MARCHF1: variants seen among roughly 807,000 people sequenced by gnomAD.
The protein encoded by MARCHF1 is membrane associated ring-CH-type finger 1, also known as E3 ubiquitin-protein ligase MARCHF1.
In MARCHF1, 40 loss-of-function variants were observed where a neutral mutation model predicts 54.2. The observed-to-expected ratio is 0.74, with a 90% CI of 0.57 to 0.96. The LOEUF (loss-of-function observed/expected upper bound fraction) is 0.96. MARCHF1 is among the 40% of genes least tolerant of loss of function. MARCHF1 has a pLI of 0.00. For missense variants in MARCHF1, 586 were observed against 656.5 expected (o/e 0.89, Z 1.17); for synonymous variants, 236 against 236.3 (o/e 1.00, Z 0.01).
intron 2 of MARCHF1, among the ~76,000 whole-genome samples, chr4:163,990,761 C>G (rs1235507027): frequency 2.6e-5 from 4 of 152,112 alleles, no homozygotes; most frequent in African/African-American, 9.7e-5. Context: ...AAATAGAAGT[C>G]TGTAAATCTA....
At chr4:163,687,290 C>A (rs1003445894) in intron 5 of MARCHF1, among the ~76,000 whole-genome samples, 1 of 151,100 alleles carries the variant, frequency 6.6e-6, no homozygotes, top group Non-Finnish European at 1.5e-5. Flanking sequence ...TGCAGTGGCG[C>A]TATCTCGGCT....
chr4:163,574,489 G>A (rs546500050), intron 8 of MARCHF1, among the ~76,000 whole-genome samples: 1 of 148,100 alleles, frequency 6.8e-6, no homozygotes, highest in Non-Finnish European at 1.5e-5. Context: ...ATTGATTTTT[G>A]TATAAGGTGT....
chr4:163,983,964 A>AT (rs34569444), intron 3 of MARCHF1, among the ~76,000 whole-genome samples: 3 of 151,100 alleles, frequency 2.0e-5, no homozygotes, highest in African/African-American at 4.9e-5. Flanking sequence ...TTTACTAAAA[A>AT]TTTTTTTTTA....
intron 4 of MARCHF1, among the ~76,000 whole-genome samples, chr4:163,793,863 C>T (rs981346397): frequency 6.6e-6 from 1 of 152,108 alleles, no homozygotes; most frequent in Non-Finnish European, 1.5e-5. Context: ...GAGCTGTGAG[C>T]CCTTAAAAGG....
chr4:164,377,900 G>A (rs1461150116), intron 1 of MARCHF1, among the ~76,000 whole-genome samples: 1 of 152,208 alleles, frequency 6.6e-6, no homozygotes. Flanking sequence ...GTAGGAGGCT[G>A]TGGGATGGGA....
intron 1 of MARCHF1, among the ~76,000 whole-genome samples, chr4:164,254,551 A>G (rs1733219200): frequency 6.6e-6 from 1 of 151,854 alleles, no homozygotes; most frequent in African/African-American, 2.4e-5. Flanking sequence ...AAGTTTATTA[A>G]GTATTAACTT....
chr4:163,861,865 A>G (rs1265619703), intron 3 of MARCHF1, among the ~76,000 whole-genome samples: 1 of 8,896 alleles, frequency 1.1e-4, no homozygotes, highest in Non-Finnish European at 4.1e-4. Context: ...TGGTGTTGGA[A>G]AAAAAAGTAA....
rs148684425 is a variant in MARCHF1, at chr4:163,875,046, C to A, written c.-38-20877G>T. Among the ~76,000 whole-genome samples, 525 of 152,200 alleles carry A rather than the reference C, an allele frequency of 3.4e-3. 6 individuals are homozygous for A. Among genetic ancestry groups the A allele is most frequent in the African/African-American group, 0.012 (489 of 41,524 alleles). On this transcript the variant is annotated intron_variant, in intron 3 of 9. Transcript: ENST00000514618. ...ATTTCTGAATCTCTGAAAATTTTGA[C>A]TTCATGTTTATAAAATATCTCTATA...
At chr4:163,895,360 T>A (rs938343325) in intron 3 of MARCHF1, among the ~76,000 whole-genome samples, 15 of 152,226 alleles carry the variant, frequency 9.9e-5, no homozygotes, top group Admixed American at 6.5e-4. Flanking sequence ...TTTTAGCTGC[T>A]TTCCTGAGAT....
At chr4:163,599,058 G>T (rs1322749939) in intron 7 of MARCHF1, among the ~76,000 whole-genome samples, 5 of 152,054 alleles carry the variant, frequency 3.3e-5, no homozygotes, top group African/African-American at 1.2e-4. Flanking sequence ...GGAGGCCAAG[G>T]CAGGCGGATC....
At chr4:163,750,779 A>T (rs1430302062) in intron 4 of MARCHF1, among the ~76,000 whole-genome samples, 3 of 152,154 alleles carry the variant, frequency 2.0e-5, no homozygotes, top group African/African-American at 7.2e-5. Context: ...GAGCAAAATT[A>T]TAAACACAGT....
chr4:164,288,000 A>G (rs909301907), intron 1 of MARCHF1, among the ~76,000 whole-genome samples: 1 of 152,302 alleles, frequency 6.6e-6, no homozygotes, highest in Non-Finnish European at 1.5e-5. Flanking sequence ...ACATAAACAT[A>G]CAATTTAAAC....
At chr4:163,624,961 G>C (rs911865718) in intron 5 of MARCHF1, among the ~76,000 whole-genome samples, 1 of 152,034 alleles carries the variant, frequency 6.6e-6, no homozygotes, top group African/African-American at 2.4e-5. Flanking sequence ...TTATCAAAAG[G>C]CTTCAGTGGT....
At chr4:164,216,255 G>A (rs143943162) in intron 1 of MARCHF1, among the ~76,000 whole-genome samples, 2,133 of 152,294 alleles carry the variant, frequency 0.014, 132 homozygotes, top group Admixed American at 0.12. Context: ...TATAAGTGCT[G>A]GCAGTTGATT....
chr4:164,312,042 C>A (rs1199413120), intron 1 of MARCHF1, among the ~76,000 whole-genome samples: 1 of 152,136 alleles, frequency 6.6e-6, no homozygotes, highest in Admixed American at 6.6e-5. Context: ...TCAAAAAGTC[C>A]ATTTTTATAT....
intron 9 of MARCHF1, among the ~76,000 whole-genome samples, chr4:163,531,171 C>T (rs942570279): frequency 3.3e-5 from 5 of 151,756 alleles, no homozygotes; most frequent in African/African-American, 1.2e-4. Flanking sequence ...TCGGCAAAGA[C>T]AATTACTATG....
rs70952609 is a variant in MARCHF1 at position 164,199,681 on chromosome 4, C to CAGAGAGAGAGAG, written c.-322-88031_-322-88020dup. Among the ~76,000 whole-genome samples the CAGAGAGAGAGAG allele has an allele frequency of 5.7e-3, 270 of 47,632 alleles. 8 individuals are homozygous for CAGAGAGAGAGAG. The highest frequency in any genetic ancestry group is 0.019 in the African/African-American group (231 of 11,850). 31.2% of individuals were successfully genotyped at this position (47,632 alleles called of 152,430 possible). On this transcript the variant is annotated intron_variant, in intron 1 of 9. Coordinates refer to ENST00000514618, the MANE Select transcript of MARCHF1 (RefSeq NM_001394959.1). ...ACACACACACACACACACACACACACAGAGAGAGAGAGAGAGAGAGAGAGA... is the reference window on the plus strand; with the variant it reads ...ACACACACACACACACACACACACACAGAGAGAGAGAGAGAGAGAGAGAGAGAGAGAGAGAGA...
chr4:164,366,209 A>C (rs1578903582), intron 1 of MARCHF1, among the ~76,000 whole-genome samples: 1 of 152,168 alleles, frequency 6.6e-6, no homozygotes, highest in South Asian at 2.1e-4. Context: ...CATATAAATA[A>C]TACTTCTGCA....
chr4:163,790,880 G>A (rs1378903929), intron 4 of MARCHF1, among the ~76,000 whole-genome samples: 1 of 152,084 alleles, frequency 6.6e-6, no homozygotes, highest in East Asian at 1.9e-4. Context: ...TAGCATGCAA[G>A]GAATGTAATT....
Sources: allele counts gnomAD v4.1 joint callset (sites outside exome capture counted in the v4.1 genomes callset), GRCh38; gene constraint gnomAD v4.1.1; transcripts MANE v1.5; gene names NCBI Gene and HGNC (gene_info 2026-07-23, HGNC 2026-07-21).